The following RPS6KC1 variants were observed in gnomAD, a reference collection of about 807,000 sequenced individuals.
The protein encoded by RPS6KC1 is ribosomal protein S6 kinase C1.
A neutral mutation model predicts 103.8 loss-of-function variants in RPS6KC1; 54 were observed. That is an observed-to-expected ratio of 0.52 (90% CI 0.42 to 0.65). RPS6KC1 has a LOEUF of 0.65. Among genes scored for constraint, RPS6KC1 ranks in the 30% least tolerant of loss-of-function variants. RPS6KC1 has a pLI of 0.00. For synonymous variants in RPS6KC1, 439 were observed against 438.7 expected, an observed-to-expected ratio of 1.00 and a Z score of -0.01; for missense variants, 1,151 against 1,253.8, an observed-to-expected ratio of 0.92 and a Z score of 1.24.
the RPS6KC1 span, among the ~76,000 whole-genome samples, chr1:213,352,781 C>T: frequency 6.6e-5 from 10 of 152,212 alleles, no homozygotes; most frequent in Non-Finnish European, 1.5e-4. Flanking sequence ...GTGGCTCACA[C>T]CTGTAATCTC....
At chr1:213,054,907 CAG>C (rs1384724556) in intron 1 of RPS6KC1, among the ~76,000 whole-genome samples, 1 of 152,160 alleles carries the variant, frequency 6.6e-6, no homozygotes, top group Non-Finnish European at 1.5e-5. Flanking sequence ...GAACCATCAG[CAG>C]TGTTTTCAGT....
At chr1:213,145,967 G>GT (rs71573864) in intron 6 of RPS6KC1, among the ~76,000 whole-genome samples, 1,302 of 47,844 alleles carry the variant, frequency 0.027, 161 homozygotes, top group African/African-American at 0.033. Context: ...CATTCATTCT[G>GT]TTTTTTTTTT....
At chr1:213,715,409 T>C in the RPS6KC1 span, among the ~76,000 whole-genome samples, 1 of 152,338 alleles carries the variant, frequency 6.6e-6, no homozygotes, top group Middle Eastern at 3.4e-3. Flanking sequence ...GATGGTTCTC[T>C]ATATATGTCA....
At chr1:213,424,068 C>G in the RPS6KC1 span, among the ~76,000 whole-genome samples, 1 of 152,116 alleles carries the variant, frequency 6.6e-6, no homozygotes, top group African/African-American at 2.4e-5. Flanking sequence ...CGGGATTGTT[C>G]TTTTTTAGCT....
At chr1:213,219,457 C>T (rs1488369549) in intron 8 of RPS6KC1, among the ~76,000 whole-genome samples, 1 of 152,174 alleles carries the variant, frequency 6.6e-6, no homozygotes, top group African/African-American at 2.4e-5. Context: ...GTGGCGATTC[C>T]TCAGGGATCT....
At chr1:213,640,412 CCCTTA>C in the RPS6KC1 span, among the ~76,000 whole-genome samples, 1 of 151,008 alleles carries the variant, frequency 6.6e-6, no homozygotes, top group African/African-American at 2.4e-5. Flanking sequence ...TTGATTTATT[CCCTTA>C]CCTTTGTTAT....
the RPS6KC1 span, among the ~76,000 whole-genome samples, chr1:213,585,201 T>A: frequency 6.6e-6 from 1 of 152,302 alleles, no homozygotes; most frequent in Admixed American, 6.5e-5. Context: ...TAGCTAGCGC[T>A]CAGTGAATGT....
chr1:213,523,894 A>G, the RPS6KC1 span, among the ~76,000 whole-genome samples: 1 of 152,154 alleles, frequency 6.6e-6, no homozygotes, highest in South Asian at 2.1e-4. Context: ...GGCATTCACC[A>G]GGGAACGGGG....
At chr1:213,431,821 A>G in the RPS6KC1 span, among the ~76,000 whole-genome samples, 3 of 152,294 alleles carry the variant, frequency 2.0e-5, no homozygotes, top group African/African-American at 7.2e-5. Context: ...GGCATGCACT[A>G]CGGATGAAAT....
the RPS6KC1 span, among the ~76,000 whole-genome samples, chr1:213,602,275 T>A: frequency 9.9e-5 from 14 of 140,976 alleles, no homozygotes; most frequent in African/African-American, 3.5e-4. Flanking sequence ...TTTTTTTTTT[T>A]CCAGAGTCTC....
chr1:213,830,296 A>T, the RPS6KC1 span, among the ~76,000 whole-genome samples: 1 of 152,220 alleles, frequency 6.6e-6, no homozygotes, highest in Non-Finnish European at 1.5e-5. Context: ...GGTCATGAAT[A>T]TGTGAAATAA....
At position 213,051,403 on chromosome 1, in the gene RPS6KC1, G is replaced by C. The variant is rs748396627; in HGVS notation, c.-2G>C. 3.1e-6 allele frequency: 5 copies of C among 1,610,638 alleles called. No individual in the cohort carries two copies. The highest frequency in any genetic ancestry group is 3.4e-6 in the Non-Finnish European group (4 of 1,178,132). On this transcript the variant is annotated 5_prime_UTR_variant, in exon 1 of 15. Coordinates refer to ENST00000366960, the MANE Select transcript of RPS6KC1 (RefSeq NM_012424.6). ...GGCGGCGGCGGCAGAGGCGGCGGGA[G>C]GATGACCTCTTACCGGGAGCGGAGT...
In RPS6KC1 at chr1:213,241,593, C is replaced by T; in HGVS notation, c.2117C>T (p.Ala706Val). 6.2e-7 allele frequency: 1 copy of T among 1,613,870 alleles called. No homozygotes were observed. The highest frequency in any genetic ancestry group is 8.5e-7 in the Non-Finnish European group (1 of 1,179,918). Residue 706 changes from alanine (A) to valine (V), a missense_variant, in exon 11 of 15, where the codon GCA (alanine) becomes GTA (valine). Around this residue, in one of 3 missense-constraint regions of RPS6KC1, gnomAD observed 959 missense variants for 1,006.3 expected, o/e 0.95. Coordinates refer to ENST00000366960, the MANE Select transcript of RPS6KC1 (RefSeq NM_012424.6). ...GAATTGGAGTCAACAAGAGAAGCTG[C>T]AGCAATGGGACCTACTAAGTTTACA... Reference protein sequence around the residue: ...PGELESTREAAAMGPTKFTQT... With the variant: ...PGELESTREAVAMGPTKFTQT...
chr1:213,401,398 C>G, the RPS6KC1 span, among the ~76,000 whole-genome samples: 1 of 152,188 alleles, frequency 6.6e-6, no homozygotes, highest in Non-Finnish European at 1.5e-5. Context: ...ATGACCAGGG[C>G]TCTTTCCACT....
the RPS6KC1 span, among the ~76,000 whole-genome samples, chr1:213,727,064 G>A: frequency 1.3e-5 from 2 of 152,338 alleles, no homozygotes; most frequent in East Asian, 3.9e-4. Context: ...CTTTGGTCTG[G>A]AAGTGGGGCC....
chr1:213,508,237 G>A, the RPS6KC1 span, among the ~76,000 whole-genome samples: 1 of 152,168 alleles, frequency 6.6e-6, no homozygotes, highest in Non-Finnish European at 1.5e-5. Flanking sequence ...TAATAGATAT[G>A]CTGAGAGATA....
At chr1:213,851,779 C>T in the RPS6KC1 span, among the ~76,000 whole-genome samples, 4 of 152,128 alleles carry the variant, frequency 2.6e-5, no homozygotes, top group South Asian at 6.2e-4. Context: ...TATTGCCACA[C>T]GTGACATCAC....
chr1:213,705,719 G>T, the RPS6KC1 span, among the ~76,000 whole-genome samples: 7 of 152,242 alleles, frequency 4.6e-5, no homozygotes, highest in Admixed American at 4.6e-4. Flanking sequence ...GCCAGCAAGG[G>T]TCAGAATGTT....
chr1:213,750,453 A>T, the RPS6KC1 span, among the ~76,000 whole-genome samples: 1 of 152,182 alleles, frequency 6.6e-6, no homozygotes, highest in South Asian at 2.1e-4. Flanking sequence ...GTTTAATACA[A>T]GCTGGAAGGG....
Sources: gnomAD v4.1 joint callset for allele counts (sites outside exome capture counted in the v4.1 genomes callset) on GRCh38, gnomAD v4.1.1 for gene constraint, gnomAD v4.1.1 regional missense constraint, MANE v1.5 for transcripts, NCBI Gene and HGNC (gene_info 2026-07-23, HGNC 2026-07-21) for gene names.